PHTF1: variants seen among roughly 807,000 people sequenced by gnomAD.
PHTF1 encodes the protein putative homeodomain transcription factor 1.
Under a neutral mutation model 102.4 loss-of-function variants are expected in PHTF1, and 88 were observed. The ratio of observed to expected loss-of-function variants is 0.86; its 90% CI spans 0.72 to 1.03. The LOEUF (loss-of-function observed/expected upper bound fraction) is 1.03. PHTF1 is among the 50% of genes least tolerant of loss of function. The pLI is 0.00. For missense variants in PHTF1, 814 were observed against 909.5 expected, an observed-to-expected ratio of 0.89 and a Z score of 1.35; for synonymous variants, 289 against 305.2, an observed-to-expected ratio of 0.95 and a Z score of 0.55.
intron 3 of PHTF1, among the ~76,000 whole-genome samples, chr1:113,744,555 C>T (rs1251742293): frequency 1.3e-5 from 2 of 152,178 alleles, no homozygotes; most frequent in Non-Finnish European, 2.9e-5. Flanking sequence ...ACCTTATTCA[C>T]ATTTAAGAAG....
intron 3 of PHTF1, among the ~76,000 whole-genome samples, chr1:113,748,710 A>G (rs1657577171): frequency 6.6e-6 from 1 of 151,694 alleles, no homozygotes. Flanking sequence ...ATTTTTTTGT[A>G]TTTTTTGTAA....
chr1:113,699,438 G>A (rs1268829547), intron 17 of PHTF1: 26 of 601,868 alleles, frequency 4.3e-5, no homozygotes, highest in Non-Finnish European at 6.9e-5. Flanking sequence ...ATCTCCTCCA[G>A]GGACTTGATC....
intron 17 of PHTF1, 118 bp downstream of exon 17, chr1:113,699,586 G>C (rs1649216625): frequency 1.5e-6 from 1 of 681,384 alleles, no homozygotes; most frequent in African/African-American, 1.8e-5. Context: ...CACTGTGGAA[G>C]AGTCCACTTC....
intron 5 of PHTF1, among the ~76,000 whole-genome samples, chr1:113,729,592 G>T (rs1317938799): frequency 9.9e-5 from 15 of 151,982 alleles, no homozygotes; most frequent in Admixed American, 9.8e-4. Flanking sequence ...TTTGATCCCA[G>T]TTCCTGGGAA....
Position 113,738,714 on chromosome 1 carries a change from C to A in PHTF1, c.172+16G>T. The stretch of plus-strand genomic sequence containing the variant: ...ATAATATAATAATGTACATAAAAAA[C>A]AATTTTAAGACTAACCTCTGATTAA... On this transcript the variant is annotated intron_variant, in intron 4 of 18. Coordinates refer to ENST00000369604, the MANE Select transcript of PHTF1 (RefSeq NM_001323043.2). The A allele has an allele frequency of 6.7e-7, 1 of 1,502,588 alleles. No individual in the cohort carries two copies. The highest frequency in any genetic ancestry group is 9.1e-7 in the Non-Finnish European group (1 of 1,099,830). The allele number at this position is 1,502,588 out of a possible 1,614,324, so 93.1% of individuals were successfully genotyped here.
intron 7 of PHTF1, among the ~76,000 whole-genome samples, chr1:113,720,409 A>C (rs986745619): frequency 2.0e-5 from 3 of 151,944 alleles, no homozygotes; most frequent in Admixed American, 6.5e-5. Flanking sequence ...CAACAAAAAA[A>C]ATTGGACTTA....
chr1:113,719,325 T>C (rs1039593260), intron 7 of PHTF1, among the ~76,000 whole-genome samples: 4 of 152,160 alleles, frequency 2.6e-5, no homozygotes, highest in African/African-American at 9.7e-5. Context: ...TTCTATCGCA[T>C]AGTCAGGGCA....
chr1:113,751,527 T>C (rs1312380579), intron 3 of PHTF1, among the ~76,000 whole-genome samples: 1 of 152,246 alleles, frequency 6.6e-6, no homozygotes, highest in Non-Finnish European at 1.5e-5. Flanking sequence ...TGATGCAGTA[T>C]GTATTAACAG....
At chr1:113,756,113 G>C (rs1205655084) in intron 3 of PHTF1, among the ~76,000 whole-genome samples, 3 of 151,394 alleles carry the variant, frequency 2.0e-5, no homozygotes, top group Non-Finnish European at 4.4e-5. Context: ...ATTGGCTAGG[G>C]GAAGAAGGTT....
At chr1:113,734,741 C>T (rs954032242) in intron 5 of PHTF1, among the ~76,000 whole-genome samples, 1 of 152,166 alleles carries the variant, frequency 6.6e-6, no homozygotes, top group African/African-American at 2.4e-5. Flanking sequence ...TTAGAGAGGT[C>T]CCCAGTCACA....
intron 5 of PHTF1, among the ~76,000 whole-genome samples, chr1:113,727,111 G>T (rs571674776): frequency 6.6e-6 from 1 of 151,796 alleles, no homozygotes; most frequent in Admixed American, 6.5e-5. Context: ...TAAATGAAAT[G>T]GAAAAATATC....
At chr1:113,735,103 C>T (rs954082710) in intron 5 of PHTF1, among the ~76,000 whole-genome samples, 2 of 152,084 alleles carry the variant, frequency 1.3e-5, no homozygotes, top group Middle Eastern at 3.4e-3. Context: ...TGGTGGCTCA[C>T]ACCTGTAATC....
At chr1:113,718,125 C>A (rs571266187) in intron 7 of PHTF1, among the ~76,000 whole-genome samples, 6 of 152,226 alleles carry the variant, frequency 3.9e-5, no homozygotes, top group Admixed American at 3.9e-4. Flanking sequence ...AATGAGGATA[C>A]AAGTATTGGG....
At chr1:113,744,806 G>T (rs1399927028) in intron 3 of PHTF1, among the ~76,000 whole-genome samples, 1 of 152,000 alleles carries the variant, frequency 6.6e-6, no homozygotes, top group East Asian at 1.9e-4. Context: ...AAATTAGCCG[G>T]GAGTAGCTGC....
intron 2 of PHTF1, 144 bp downstream of exon 2, chr1:113,758,515 T>C (rs1659227378): frequency 9.6e-6 from 1 of 104,196 alleles, no homozygotes; most frequent in Non-Finnish European, 1.9e-5. Context: ...CTTGTACATC[T>C]TTTTTTTTTT....
chr1:113,737,583 G>C (rs1655687105), intron 5 of PHTF1, among the ~76,000 whole-genome samples: 1 of 151,996 alleles, frequency 6.6e-6, no homozygotes. Flanking sequence ...AACACTTTTG[G>C]GCCTAAGAAT....
At chr1:113,758,931 C>T (rs991767349) in intron 1 of PHTF1, 92 bp downstream of exon 1, 23 of 1,085,998 alleles carry the variant, frequency 2.1e-5, no homozygotes, top group African/African-American at 3.4e-5. Context: ...ATATATCGGG[C>T]GAGCGTGTTC....
At chr1:113,731,596 C>A (rs570410964) in intron 5 of PHTF1, among the ~76,000 whole-genome samples, 3 of 151,598 alleles carry the variant, frequency 2.0e-5, no homozygotes, top group South Asian at 4.2e-4. Flanking sequence ...GAGGGATAAA[C>A]AGAAGTCCTG....
At chr1:113,729,071 T>C (rs1654249959) in intron 5 of PHTF1, among the ~76,000 whole-genome samples, 1 of 152,124 alleles carries the variant, frequency 6.6e-6, no homozygotes, top group Admixed American at 6.5e-5. Context: ...ATATACACAA[T>C]GGAGTACTAT....
Sources: allele counts gnomAD v4.1 joint callset (sites outside exome capture counted in the v4.1 genomes callset), GRCh38; gene constraint gnomAD v4.1.1; transcripts MANE v1.5; gene names NCBI Gene and HGNC (gene_info 2026-07-23, HGNC 2026-07-21).